Variants in KBTBD12 observed in about 807,000 individuals in gnomAD.
KBTBD12 encodes kelch repeat and BTB domain containing 12, also known as kelch repeat and BTB domain-containing protein 12.
KBTBD12 carries 53 observed loss-of-function variants against 58.7 expected under a neutral mutation model. The observed-to-expected ratio is 0.90, with a 90% CI of 0.72 to 1.14. The LOEUF (loss-of-function observed/expected upper bound fraction) is 1.14, where lower values mean the gene tolerates loss of function less well. KBTBD12 is among the 50% of genes most tolerant of loss of function. The probability of loss-of-function intolerance (pLI) is 0.00; values close to 1 mark genes in which losing one functional copy is unlikely to be tolerated. For synonymous variants in KBTBD12, 236 were observed against 259.8 expected (o/e 0.91, Z 0.88); for missense variants, 704 against 751.3 (o/e 0.94, Z 0.74).
intron 4 of KBTBD12, among the ~76,000 whole-genome samples, chr3:127,938,678 A>G (rs919311366): frequency 6.6e-6 from 1 of 152,232 alleles, no homozygotes. Context: ...TTAAAATATG[A>G]CTTGATTGAA....
chr3:127,951,090 A>G (rs535174835), intron 4 of KBTBD12, among the ~76,000 whole-genome samples: 4 of 152,292 alleles, frequency 2.6e-5, no homozygotes, highest in Non-Finnish European at 4.4e-5. Flanking sequence ...ATATCAAAGC[A>G]TGGTAGAGAA....
chr3:127,961,588 A>G (rs1469047734), intron 4 of KBTBD12, among the ~76,000 whole-genome samples: 1 of 152,238 alleles, frequency 6.6e-6, no homozygotes, highest in Non-Finnish European at 1.5e-5. Context: ...AGCTGTTCCC[A>G]TCAATCTTCT....
chr3:127,986,287 T>A lies in KBTBD12; in HGVS notation c.*2009T>A, dbSNP rs963372610. 1 of 152,594 alleles carries A rather than the reference T, an allele frequency of 6.6e-6. No homozygotes were observed. Among genetic ancestry groups the A allele is most frequent in the African/African-American group, 2.4e-5 (1 of 41,434 alleles). 9.5% of individuals were successfully genotyped at this position (152,594 alleles called of 1,614,324 possible). A position where few individuals can be genotyped will look rare whatever the true frequency, so the allele number is the denominator to read the frequency against. On this transcript the variant is annotated 3_prime_UTR_variant, in exon 6 of 6. Transcript: ENST00000405109. ...TGGGAAGGAAAATATTAATACATAC[T>A]TTATAGGGTTGGTATGAGGATTAAG...
Position 127,924,123 on chromosome 3 carries a change from A to G in KBTBD12, c.1062A>G (p.Glu354=). ...KLSRQKNKNV[E]IYRYHDRGNQ... ...CTAGACAAAAGAACAAGAATGTTGA[A>G]ATTTATAGGTTTGTATCTAGCAGCA... Residue 354 remains glutamate, a synonymous_variant, in exon 2 of 6, where the codon GAA becomes GAG. Coordinates refer to ENST00000405109, the MANE Select transcript of KBTBD12 (RefSeq NM_207335.4). 6.2e-7 allele frequency: 1 copy of G among 1,603,240 alleles called. No individual in the cohort carries two copies. Among genetic ancestry groups the G allele is most frequent in the South Asian group, 1.1e-5 (1 of 89,866 alleles).
At position 127,923,516 on chromosome 3, in the gene KBTBD12, C is replaced by A; in HGVS notation, c.455C>A (p.Ser152Ter). 4 of 1,611,376 alleles carry A rather than the reference C, an allele frequency of 2.5e-6. No individual in the cohort carries two copies. Among genetic ancestry groups the A allele is most frequent in the Non-Finnish European group, 3.4e-6 (4 of 1,178,960 alleles). Residue 152 changes from serine to a stop codon, truncating the protein, a stop_gained, in exon 2 of 6, where the codon TCA (serine) becomes TAA (stop). Transcript: ENST00000405109. LOFTEE classifies it high-confidence loss of function. The part of the protein sequence containing the change: ...QIGAEDLSDR[S>*]KKYLYQHFAE... ...GGAGCTGAAGATTTATCTGATCGAT[C>A]AAAGAAATATTTATATCAGCACTTT...
chr3:127,935,418 A>T (rs1454623503), intron 4 of KBTBD12, among the ~76,000 whole-genome samples: 1 of 152,178 alleles, frequency 6.6e-6, no homozygotes, highest in South Asian at 2.1e-4. Context: ...AGTAAAATAC[A>T]TGTTAGAATT....
chr3:127,934,501 G>A lies in KBTBD12; in HGVS notation c.1492+4218G>A, dbSNP rs546286536. On this transcript the variant is annotated intron_variant, in intron 4 of 5. Coordinates refer to ENST00000405109, the MANE Select transcript of KBTBD12 (RefSeq NM_207335.4). The stretch of plus-strand genomic sequence containing the variant: ...TAATGGGAATCCCAAAAGGAAATGA[G>A]AGAGAGAAGTAATAGTCAAAAATTT... Among the ~76,000 whole-genome samples the A allele has an allele frequency of 1.8e-4, 27 of 152,220 alleles. No individual in the cohort carries two copies. In the East Asian group the frequency reaches 5.2e-3, roughly 29 times the overall value.
In KBTBD12 at chr3:127,963,191, G is replaced by A; in HGVS notation, c.1495G>A (p.Gly499Ser). Reference protein sequence around the residue: ...VVNSEIYVLGGIGCVGQDKGQ... With the variant: ...VVNSEIYVLGSIGCVGQDKGQ... ...TTTCTCCACATAATTCTCTGCAGGT[G>A]GCATTGGCTGTGTAGGTCAAGACAA... Residue 499 changes from glycine to serine, a missense_variant and splice_region_variant, in exon 5 of 6, where the codon GGC becomes AGC. Gly to Ser is a moderately conservative substitution (Grantham distance 56). Coordinates refer to ENST00000405109, the MANE Select transcript of KBTBD12 (RefSeq NM_207335.4). 6.3e-7 allele frequency: 1 copy of A among 1,598,900 alleles called. No homozygotes were observed. The highest frequency in any genetic ancestry group is 8.5e-7 in the Non-Finnish European group (1 of 1,171,890).
chr3:127,941,513 C>G (rs1472428489), intron 4 of KBTBD12, among the ~76,000 whole-genome samples: 1 of 152,146 alleles, frequency 6.6e-6, no homozygotes, highest in South Asian at 2.1e-4. Flanking sequence ...CAAGAAGATA[C>G]GAGAATTTCC....
rs747459582 is a variant in KBTBD12 at position 127,923,954 on chromosome 3, GT to G, written c.898del (p.Cys300ValfsTer21). The G allele has an allele frequency of 6.2e-7, 1 of 1,613,906 alleles. No homozygotes were observed. Among genetic ancestry groups the G allele is most frequent in the South Asian group, 1.1e-5 (1 of 91,076 alleles). Reference sequence around the variant, plus strand: ...AGACATAGGAGCTATGGGGATGCCAGTTTTTGTTATGATCCTGTATCACGGA... The same window carrying G: ...AGACATAGGAGCTATGGGGATGCCAGTTTTGTTATGATCCTGTATCACGGA... ...RSRHRSYGDASFCYDPVSRKT... is the reference protein window; with the variant it reads ...RSRHRSYGDAXFCYDPVSRKT... On this transcript the variant is annotated frameshift_variant, in exon 2 of 6. Coordinates refer to ENST00000405109, the MANE Select transcript of KBTBD12 (RefSeq NM_207335.4). LOFTEE classifies it high-confidence loss of function.
At chr3:127,949,831 T>C (rs923009775) in intron 4 of KBTBD12, among the ~76,000 whole-genome samples, 1 of 152,174 alleles carries the variant, frequency 6.6e-6, no homozygotes, top group Non-Finnish European at 1.5e-5. Flanking sequence ...GTTTTGCGGC[T>C]GTGTAAGCCA....
intron 4 of KBTBD12, among the ~76,000 whole-genome samples, chr3:127,950,864 T>G (rs1301192138): frequency 6.6e-6 from 1 of 152,054 alleles, no homozygotes; most frequent in Non-Finnish European, 1.5e-5. Flanking sequence ...AAACCCTGTC[T>G]CTACTAAAAA....
intron 5 of KBTBD12, among the ~76,000 whole-genome samples, chr3:127,983,458 T>A (rs1940907726): frequency 6.6e-6 from 1 of 152,032 alleles, no homozygotes; most frequent in South Asian, 2.1e-4. Flanking sequence ...AGGGGGCTGT[T>A]AAAAATAGTC....
At chr3:127,918,976 G>A (rs778960781) in intron 1 of KBTBD12, among the ~76,000 whole-genome samples, 1 of 151,828 alleles carries the variant, frequency 6.6e-6, no homozygotes, top group Non-Finnish European at 1.5e-5. Context: ...CTTAAAAATG[G>A]TTTTTTTTAA....
At chr3:127,945,272 C>T (rs1940054817) in intron 4 of KBTBD12, among the ~76,000 whole-genome samples, 1 of 141,036 alleles carries the variant, frequency 7.1e-6, no homozygotes, top group Admixed American at 7.6e-5. Flanking sequence ...GCAAGCTCCG[C>T]CTCCCAGGTT....
intron 4 of KBTBD12, among the ~76,000 whole-genome samples, chr3:127,938,508 A>T (rs1233151636): frequency 6.6e-6 from 1 of 152,170 alleles, no homozygotes; most frequent in Non-Finnish European, 1.5e-5. Flanking sequence ...ATAAGTAAGA[A>T]AGAAGAAGTA....
At chr3:127,958,919 A>T (rs1021512499) in intron 4 of KBTBD12, among the ~76,000 whole-genome samples, 23 of 152,156 alleles carry the variant, frequency 1.5e-4, no homozygotes, top group Non-Finnish European at 4.4e-5. Context: ...CAGGCACCCT[A>T]TTGATGAGCA....
chr3:127,974,393 C>T (rs1468651959), intron 5 of KBTBD12, among the ~76,000 whole-genome samples: 1 of 152,188 alleles, frequency 6.6e-6, no homozygotes, highest in East Asian at 1.9e-4. Flanking sequence ...GGCTCCACAG[C>T]CATCAGTTTC....
chr3:127,956,746 T>C (rs1355937976), intron 4 of KBTBD12, among the ~76,000 whole-genome samples: 1 of 152,230 alleles, frequency 6.6e-6, no homozygotes. Flanking sequence ...CAAAGAGTTG[T>C]ACAACTATAC....
Sources: allele counts gnomAD v4.1 joint callset (sites outside exome capture counted in the v4.1 genomes callset), GRCh38; gene constraint gnomAD v4.1.1; transcripts MANE v1.5; gene names NCBI Gene and HGNC (gene_info 2026-07-23, HGNC 2026-07-21).